The following TENT4B variants were observed in gnomAD, a reference collection of about 807,000 sequenced individuals.
The protein encoded by TENT4B is terminal nucleotidyltransferase 4B.
TENT4B carries 10 observed loss-of-function variants against 75.0 expected under a neutral mutation model. The observed-to-expected ratio is 0.13, with a 90% CI of 0.08 to 0.23. TENT4B has a LOEUF of 0.23. TENT4B is among the 10% of genes least tolerant of loss of function. The pLI, the probability that TENT4B is intolerant of heterozygous loss-of-function variation, is 1.00. For synonymous variants in TENT4B, 350 were observed against 357.7 expected, an observed-to-expected ratio of 0.98 and a Z score of 0.24; for missense variants, 579 against 893.8, an observed-to-expected ratio of 0.65 and a Z score of 4.49.
chr16:50,168,098 C>T (rs2038136965), intron 1 of TENT4B, among the ~76,000 whole-genome samples: 1 of 126,630 alleles, frequency 7.9e-6, no homozygotes, highest in Non-Finnish European at 1.8e-5. Flanking sequence ...ACCCTATCTC[C>T]ATAAAAAATA....
At position 50,234,549 on chromosome 16, in the gene TENT4B, TTATAA is replaced by T. The variant is rs2032389756; in HGVS notation, c.*5225_*5229del. 1 of 981,986 alleles carries T rather than the reference TTATAA, an allele frequency of 1.0e-6. No homozygotes were observed. The allele number at this position is 981,986 out of a possible 1,614,324, so 60.8% of individuals were successfully genotyped here. A position where few individuals can be genotyped will look rare whatever the true frequency, so the allele number is the denominator to read the frequency against. On this transcript the variant is annotated 3_prime_UTR_variant, in exon 12 of 12. Coordinates refer to ENST00000561678, the MANE Select transcript of TENT4B (RefSeq NM_001365324.3). The stretch of plus-strand genomic sequence containing the variant: ...ACCTTTTATATTTAGTTGCAATTTA[TTATAA>T]TATGTTGTTTTGTCCCTGAACTTAA...
chr16:50,228,969 T>C (rs1208884141), intron 11 of TENT4B, among the ~76,000 whole-genome samples, 183 bp from the exon 12 acceptor site: 1 of 151,952 alleles, frequency 6.6e-6, no homozygotes, highest in African/African-American at 2.4e-5. Context: ...AAAGTAAGGG[T>C]TTTAGAGCTA....
In TENT4B at chr16:50,199,058, G is replaced by A. The variant is rs2030468445; in HGVS notation, c.639-12265G>A. On this transcript the variant is annotated intron_variant, in intron 1 of 11. Transcript: ENST00000561678. ...TTTGGGGTTGGCTCCATTCTCTCCTGTTGCTAATGGCTTCCTTTGTGCAGC... is the reference window on the plus strand; with the variant it reads ...TTTGGGGTTGGCTCCATTCTCTCCTATTGCTAATGGCTTCCTTTGTGCAGC... 2.0e-5 allele frequency among the ~76,000 whole-genome samples: 3 copies of A among 152,228 alleles called. No individual in the cohort carries two copies. In the South Asian group the frequency reaches 6.2e-4, roughly 32 times the overall value.
Position 50,154,244 on chromosome 16 carries a change from A to T in TENT4B, c.623A>T (p.Asn208Ile). 6.9e-7 allele frequency: 1 copy of T among 1,449,338 alleles called. No homozygotes were observed. Among genetic ancestry groups the T allele is most frequent in the Non-Finnish European group, 9.0e-7 (1 of 1,107,614 alleles). The allele number at this position is 1,449,338 out of a possible 1,614,324, so 89.8% of individuals were successfully genotyped here. ...SGTPWKRRNY[N>I]QGVVGLHEEI... is the part of the protein sequence containing the mutation. ...ACCCCGTGGAAACGGAGGAACTACA[A>T]CCAGGGAGTCGTGGGGTGAGTGCTG... The change falls in exon 1 of 12, where the codon AAC becomes ATC. Residue 208 changes from asparagine to isoleucine, a missense_variant. Asn to Ile is a moderately radical substitution (Grantham distance 149). This residue lies in a region of TENT4B where 16 missense variants were observed against 60.1 expected (regional missense o/e 0.27). Transcript: ENST00000561678.
intron 1 of TENT4B, among the ~76,000 whole-genome samples, chr16:50,182,891 C>CTTTTTTTTTTTTTTTTCTTTTTTT (rs2038444579): frequency 2.7e-5 from 1 of 36,458 alleles, no homozygotes; most frequent in Non-Finnish European, 5.1e-5. Flanking sequence ...TTTATTTTAC[C>CTTTTTTTTTTTTTTTTCTTTTTTT]TTTTTTTTTT....
At chr16:50,204,494 G>T (rs886726002) in intron 1 of TENT4B, among the ~76,000 whole-genome samples, 2 of 152,132 alleles carry the variant, frequency 1.3e-5, no homozygotes, top group Non-Finnish European at 2.9e-5. Flanking sequence ...TTAGTTCGAG[G>T]TGACATCTTT....
chr16:50,184,576 A>G (rs1241301569), intron 1 of TENT4B, among the ~76,000 whole-genome samples: 2 of 152,128 alleles, frequency 1.3e-5, no homozygotes, highest in Admixed American at 6.5e-5. Flanking sequence ...CTGAGGCAGG[A>G]GAATGGCGTA....
chr16:50,175,362 C>G (rs1467909062), intron 1 of TENT4B, among the ~76,000 whole-genome samples: 1 of 152,126 alleles, frequency 6.6e-6, no homozygotes, highest in Non-Finnish European at 1.5e-5. Flanking sequence ...AAGTCTTCGC[C>G]AAACCACAGT....
chr16:50,153,444 C>A lies in TENT4B; in HGVS notation c.-178C>A. 2.2e-6 allele frequency: 2 copies of A among 890,808 alleles called. No individual in the cohort carries two copies. The highest frequency in any genetic ancestry group is 2.7e-6 in the Non-Finnish European group (2 of 746,430). The allele number at this position is 890,808 out of a possible 1,614,324, so 55.2% of individuals were successfully genotyped here. A position where few individuals can be genotyped will look rare whatever the true frequency, so the allele number is the denominator to read the frequency against. ...GAGGGCGGGAGCGACGCCGCCGGCG[C>A]CGGCCGGGCTCCCTGCGCGACCGCG... On this transcript the variant is annotated 5_prime_UTR_variant, in exon 1 of 12. Transcript: ENST00000561678.
chr16:50,193,150 G>A (rs1334233870), intron 1 of TENT4B, among the ~76,000 whole-genome samples: 1 of 152,118 alleles, frequency 6.6e-6, no homozygotes, highest in East Asian at 1.9e-4. Context: ...GCCATTGGGT[G>A]TGGTTTGCTG....
At chr16:50,166,223 T>G (rs569023647) in intron 1 of TENT4B, among the ~76,000 whole-genome samples, 1 of 152,178 alleles carries the variant, frequency 6.6e-6, no homozygotes, top group African/African-American at 2.4e-5. Flanking sequence ...TAGCTGGGAT[T>G]ACAGGCGCAT....
intron 1 of TENT4B, among the ~76,000 whole-genome samples, chr16:50,171,043 T>C (rs934688838): frequency 6.6e-6 from 1 of 151,878 alleles, no homozygotes; most frequent in Non-Finnish European, 1.5e-5. Context: ...GCCGTCCTCC[T>C]ACCTTAGCCT....
At chr16:50,157,256 T>G (rs1314793550) in intron 1 of TENT4B, among the ~76,000 whole-genome samples, 1 of 152,198 alleles carries the variant, frequency 6.6e-6, no homozygotes, top group African/African-American at 2.4e-5. Flanking sequence ...GTCTTTTGTG[T>G]TCTCTGCTTC....
intron 1 of TENT4B, among the ~76,000 whole-genome samples, chr16:50,207,068 CTTT>C (rs764421701): frequency 1.4e-5 from 2 of 140,884 alleles, no homozygotes; most frequent in Non-Finnish European, 3.1e-5. Flanking sequence ...CTTGCTCTCT[CTTT>C]TTTTTTTTTT....
chr16:50,233,584 A>G lies in TENT4B; in HGVS notation c.*4256A>G, dbSNP rs934613557. On this transcript the variant is annotated 3_prime_UTR_variant, in exon 12 of 12. Coordinates refer to ENST00000561678, the MANE Select transcript of TENT4B (RefSeq NM_001365324.3). The stretch of plus-strand genomic sequence containing the variant: ...AAATTATTAACCAGAAAAATTGCTT[A>G]TAAAGGCTGCTGATCTATTTGATAC... 29 of 984,284 alleles carry G rather than the reference A, an allele frequency of 2.9e-5. 1 individual carries two copies. The Admixed American group carries it at 1.1e-3, about 38-fold the overall frequency. 61.0% of individuals were successfully genotyped at this position (984,284 alleles called of 1,614,324 possible). A position where few individuals can be genotyped will look rare whatever the true frequency, so the allele number is the denominator to read the frequency against.
rs1413040510 is a variant in TENT4B, at chr16:50,206,894, TCAGAA to T, written c.639-4423_639-4419del. 1.1e-4 allele frequency among the ~76,000 whole-genome samples: 13 copies of T among 123,034 alleles called. 1 individual carries two copies. In the South Asian group the frequency reaches 3.6e-3, roughly 34 times the overall value. The allele number at this position is 123,034 out of a possible 152,430, so 80.7% of individuals were successfully genotyped here. A position where few individuals can be genotyped will look rare whatever the true frequency, so the allele number is the denominator to read the frequency against. Reference sequence around the variant, plus strand: ...TTCCTTTTCTGTAGCAGATCTTTCCTCAGAACAGAAGTTTGTTTTTTTTTTTTAAC... The same window carrying T: ...TTCCTTTTCTGTAGCAGATCTTTCCTCAGAAGTTTGTTTTTTTTTTTTAAC... On this transcript the variant is annotated intron_variant, in intron 1 of 11. Coordinates refer to ENST00000561678, the MANE Select transcript of TENT4B (RefSeq NM_001365324.3).
intron 1 of TENT4B, among the ~76,000 whole-genome samples, chr16:50,160,291 T>C (rs1056112311): frequency 1.3e-5 from 2 of 152,224 alleles, no homozygotes; most frequent in Admixed American, 6.5e-5. Context: ...TTTCAGTGTT[T>C]GGACTTTTTT....
intron 1 of TENT4B, among the ~76,000 whole-genome samples, chr16:50,207,317 G>A (rs1053492724): frequency 6.6e-6 from 1 of 151,928 alleles, no homozygotes; most frequent in African/African-American, 2.4e-5. Context: ...GAGTAGCTGG[G>A]ATTACAGGCG....
chr16:50,171,051 C>T (rs970201212), intron 1 of TENT4B, among the ~76,000 whole-genome samples: 1 of 151,954 alleles, frequency 6.6e-6, no homozygotes, highest in African/African-American at 2.4e-5. Context: ...CCTACCTTAG[C>T]CTCCCAGAGT....
Sources: allele counts gnomAD v4.1 joint callset (sites outside exome capture counted in the v4.1 genomes callset), GRCh38; gene constraint gnomAD v4.1.1; regional missense constraint gnomAD v4.1.1; transcripts MANE v1.5; gene names NCBI Gene and HGNC (gene_info 2026-07-23, HGNC 2026-07-21).